The following ADARB2 variants were observed in gnomAD, a reference collection of about 807,000 sequenced individuals.
ADARB2 encodes the protein adenosine deaminase RNA specific B2 (inactive).
Under a neutral mutation model 62.2 loss-of-function variants are expected in ADARB2, and 25 were observed. The ratio of observed to expected loss-of-function variants is 0.40; its 90% CI spans 0.29 to 0.56. The LOEUF (loss-of-function observed/expected upper bound fraction) is 0.56, where lower values mean the gene tolerates loss of function less well. ADARB2 is among the 20% of genes least tolerant of loss of function. The probability of loss-of-function intolerance (pLI) is 0.43; values close to 1 mark genes in which losing one functional copy is unlikely to be tolerated. For synonymous variants in ADARB2, 572 were observed against 500.8 expected, an observed-to-expected ratio of 1.14 and a Z score of -1.90; for missense variants, 1,071 against 1,077.4, an observed-to-expected ratio of 0.99 and a Z score of 0.08.
At chr10:1,324,498 C>T (rs539565409) in intron 3 of ADARB2, among the ~76,000 whole-genome samples, 5 of 152,302 alleles carry the variant, frequency 3.3e-5, no homozygotes, top group East Asian at 3.9e-4. Context: ...TGTTCTTTCA[C>T]AGGTTAATGC....
chr10:1,590,795 G>T (rs1297564459), intron 1 of ADARB2, among the ~76,000 whole-genome samples: 5 of 152,166 alleles, frequency 3.3e-5, no homozygotes, highest in Non-Finnish European at 7.4e-5. Flanking sequence ...CGGTTTCAGG[G>T]ATGGGAGGAG....
At position 1,554,476 on chromosome 10, in the gene ADARB2, G is replaced by A. The variant is rs143378989; in HGVS notation, c.101-175316C>T. 1.6e-3 allele frequency among the ~76,000 whole-genome samples: 241 copies of A among 152,124 alleles called. 1 individual carries two copies. The highest frequency in any genetic ancestry group is 5.4e-3 in the African/African-American group (224 of 41,496). ...AAAACACACCAAGAACCTCTGCCCC[G>A]GTCTCCACTGTCCCCCAGCCAGCAT... is the stretch of plus-strand genomic sequence containing the variant. On this transcript the variant is annotated intron_variant, in intron 1 of 9. Transcript: ENST00000381312.
At chr10:1,735,199 T>C (rs868477620) in intron 1 of ADARB2, among the ~76,000 whole-genome samples, 41 of 152,222 alleles carry the variant, frequency 2.7e-4, no homozygotes, top group African/African-American at 9.4e-4. Context: ...TTTTTGGCTA[T>C]GAAAATTAAG....
intron 1 of ADARB2, among the ~76,000 whole-genome samples, chr10:1,563,399 T>A (rs1266384684): frequency 6.6e-6 from 1 of 152,122 alleles, no homozygotes; most frequent in Non-Finnish European, 1.5e-5. Context: ...TGCGTCCCCC[T>A]CATATGACCT....
At chr10:1,279,280 A>G (rs1418059323) in intron 3 of ADARB2, among the ~76,000 whole-genome samples, 1 of 152,042 alleles carries the variant, frequency 6.6e-6, no homozygotes, top group African/African-American at 2.4e-5. Context: ...ATGAAGACAG[A>G]GCAGGACCAG....
chr10:1,272,492 C>T (rs1361217279), intron 3 of ADARB2, among the ~76,000 whole-genome samples: 2 of 152,266 alleles, frequency 1.3e-5, no homozygotes, highest in African/African-American at 4.8e-5. Context: ...CTTAATTCTT[C>T]TGCAGTCAAG....
At chr10:1,321,387 A>G (rs1429988784) in intron 3 of ADARB2, among the ~76,000 whole-genome samples, 4 of 151,952 alleles carry the variant, frequency 2.6e-5, no homozygotes, top group Non-Finnish European at 5.9e-5. Context: ...CTAACTTTTA[A>G]TTTTAATTTT....
intron 1 of ADARB2, among the ~76,000 whole-genome samples, chr10:1,381,086 T>C (rs1350462498): frequency 6.6e-6 from 1 of 152,244 alleles, no homozygotes; most frequent in African/African-American, 2.4e-5. Flanking sequence ...CCAGTTAAAA[T>C]TGAGTTTTAG....
At chr10:1,298,317 G>GT (rs915854355) in intron 3 of ADARB2, among the ~76,000 whole-genome samples, 14 of 152,280 alleles carry the variant, frequency 9.2e-5, no homozygotes, top group African/African-American at 2.6e-4. Flanking sequence ...ATGTTTTTAT[G>GT]TTTTTTTGCC....
At chr10:1,315,441 A>G (rs745579386) in intron 3 of ADARB2, among the ~76,000 whole-genome samples, 1 of 152,250 alleles carries the variant, frequency 6.6e-6, no homozygotes, top group Non-Finnish European at 1.5e-5. Flanking sequence ...CAAGCCATAC[A>G]TCATGAAATA....
At chr10:1,611,969 G>A (rs1017423470) in intron 1 of ADARB2, among the ~76,000 whole-genome samples, 1 of 152,058 alleles carries the variant, frequency 6.6e-6, no homozygotes, top group Non-Finnish European at 1.5e-5. Flanking sequence ...GTTTCACCCC[G>A]TGTGAGCAAG....
chr10:1,665,297 C>T (rs893581800), intron 1 of ADARB2, among the ~76,000 whole-genome samples: 2 of 152,260 alleles, frequency 1.3e-5, no homozygotes, highest in Non-Finnish European at 2.9e-5. Flanking sequence ...CCGTTTCCAG[C>T]TCATTGGAAA....
At chr10:1,302,687 G>T (rs1361802324) in intron 3 of ADARB2, among the ~76,000 whole-genome samples, 429 of 117,146 alleles carry the variant, frequency 3.7e-3, no homozygotes, top group Middle Eastern at 9.7e-3. Context: ...ATCTGAGAAC[G>T]GGCAGACTGC....
intron 1 of ADARB2, among the ~76,000 whole-genome samples, chr10:1,606,305 G>A (rs1410204493): frequency 6.6e-6 from 1 of 152,110 alleles, no homozygotes; most frequent in Non-Finnish European, 1.5e-5. Context: ...GACTCTCTGA[G>A]CTGGAAACCT....
chr10:1,303,670 A>T (rs1831596766), intron 3 of ADARB2, among the ~76,000 whole-genome samples: 1 of 152,198 alleles, frequency 6.6e-6, no homozygotes, highest in Admixed American at 6.5e-5. Context: ...TCAGACTAAC[A>T]GCTGATCTCT....
At chr10:1,449,213 C>T (rs1294200123) in intron 1 of ADARB2, among the ~76,000 whole-genome samples, 1 of 152,178 alleles carries the variant, frequency 6.6e-6, no homozygotes, top group Non-Finnish European at 1.5e-5. Flanking sequence ...CAACAACTGT[C>T]ACTTTCCCAC....
At chr10:1,280,698 G>A (rs548435221) in intron 3 of ADARB2, among the ~76,000 whole-genome samples, 3 of 151,550 alleles carry the variant, frequency 2.0e-5, no homozygotes, top group African/African-American at 7.3e-5. Flanking sequence ...CCTAAGTGAT[G>A]CTCTGTGATA....
intron 1 of ADARB2, among the ~76,000 whole-genome samples, chr10:1,729,469 C>T (rs965646759): frequency 6.6e-6 from 1 of 152,122 alleles, no homozygotes; most frequent in Non-Finnish European, 1.5e-5. Context: ...GTGAACCCAG[C>T]CAGACTTGGG....
At chr10:1,288,699 G>A (rs972496814) in intron 3 of ADARB2, among the ~76,000 whole-genome samples, 3 of 152,298 alleles carry the variant, frequency 2.0e-5, no homozygotes, top group African/African-American at 4.8e-5. Flanking sequence ...ATGAATTGGG[G>A]TAGGAGAATG....
Sources: gnomAD v4.1 joint callset for allele counts (sites outside exome capture counted in the v4.1 genomes callset) on GRCh38, gnomAD v4.1.1 for gene constraint, MANE v1.5 for transcripts, NCBI Gene and HGNC (gene_info 2026-07-23, HGNC 2026-07-21) for gene names.